Variants in LIPC observed in about 807,000 individuals in gnomAD.
The protein encoded by LIPC is hepatic triacylglycerol lipase.
Under a neutral mutation model 50.7 loss-of-function variants are expected in LIPC, and 44 were observed. That is an observed-to-expected ratio of 0.87 (90% CI 0.68 to 1.11). LIPC has a LOEUF of 1.11. Among genes scored for constraint, LIPC ranks in the 50% most tolerant of loss-of-function variants. LIPC has a pLI of 0.00. For synonymous variants in LIPC, 271 were observed against 256.4 expected, an observed-to-expected ratio of 1.06 and a Z score of -0.54; for missense variants, 697 against 648.2, an observed-to-expected ratio of 1.08 and a Z score of -0.82.
Position 58,500,660 on chromosome 15 carries a change from G to C in LIPC, c.89-37673G>C, listed in dbSNP as rs564112108. 1.1e-4 allele frequency among the ~76,000 whole-genome samples: 17 copies of C among 152,280 alleles called. No homozygotes were observed. The East Asian group carries it at 2.5e-3, about 22-fold the overall frequency. On this transcript the variant is annotated intron_variant, in intron 1 of 8. Transcript: ENST00000299022. ...AGCTACCACTCCCTGACCTTGAGCA[G>C]ATAGATTTGGGATCCACGTGTAGCC...
rs1300150083 is a variant in LIPC, at chr15:58,452,317, G to A, written c.88+20197G>A. On this transcript the variant is annotated intron_variant, in intron 1 of 8. Coordinates refer to ENST00000299022, the MANE Select transcript of LIPC (RefSeq NM_000236.3). ...GGGTGATTCTGAAACAGGCACCAAA[G>A]TTTGAGAACGTCTGCCTATAAATGT... Among the ~76,000 whole-genome samples, 6 of 152,214 alleles carry A rather than the reference G, an allele frequency of 3.9e-5. No individual in the cohort carries two copies. The East Asian group carries it at 1.2e-3, about 29-fold the overall frequency.
At chr15:58,553,972 A>G (rs1423402757) in intron 6 of LIPC, among the ~76,000 whole-genome samples, 1 of 151,778 alleles carries the variant, frequency 6.6e-6, no homozygotes, top group African/African-American at 2.4e-5. Flanking sequence ...TACCATCTCC[A>G]TGAGAGAAAT....
intron 1 of LIPC, among the ~76,000 whole-genome samples, chr15:58,537,191 T>G (rs537005930): frequency 2.3e-4 from 35 of 152,296 alleles, no homozygotes; most frequent in Admixed American, 1.1e-3. Context: ...TGCCACGCCA[T>G]GGAAACGCGC....
chr15:58,479,967 A>T (rs572639036), intron 1 of LIPC, among the ~76,000 whole-genome samples: 1 of 152,192 alleles, frequency 6.6e-6, no homozygotes, highest in South Asian at 2.1e-4. Flanking sequence ...CTCCAATCTA[A>T]GTTCCCCAGG....
chr15:58,545,497 G>T (rs1230038227), intron 4 of LIPC, among the ~76,000 whole-genome samples: 1 of 152,140 alleles, frequency 6.6e-6, no homozygotes, highest in Non-Finnish European at 1.5e-5. Context: ...TCTACCACTG[G>T]AGAGTTTCCG....
At chr15:58,553,762 T>C (rs12908645) in intron 6 of LIPC, among the ~76,000 whole-genome samples, 23,386 of 152,194 alleles carry the variant, frequency 0.15, 2,084 homozygotes, top group South Asian at 0.32. Flanking sequence ...CTTTTTCTTC[T>C]TCACTCGCGC....
At position 58,433,515 on chromosome 15, in the gene LIPC, CA is replaced by C. The variant is rs569934124; in HGVS notation, c.88+1396del. Among the ~76,000 whole-genome samples, 182 of 152,310 alleles carry C rather than the reference CA, an allele frequency of 1.2e-3. 1 individual carries two copies. Among genetic ancestry groups the C allele is most frequent in the African/African-American group, 4.2e-3 (176 of 41,564 alleles). ...CGACATTATGTTTGTGAAAGTCAAC[CA>C]TGCAGTTTCGTGGAGTTGAGGCTCA... On this transcript the variant is annotated intron_variant, in intron 1 of 8. Coordinates refer to ENST00000299022, the MANE Select transcript of LIPC (RefSeq NM_000236.3).
chr15:58,548,180 T>C, intron 5 of LIPC, 150 bp from the exon 6 acceptor site: 1 of 972,090 alleles, frequency 1.0e-6, no homozygotes, highest in East Asian at 2.4e-5. Context: ...CACATCCTGC[T>C]CTTGTCAAGG....
At chr15:58,468,666 C>T (rs1021899559) in intron 1 of LIPC, among the ~76,000 whole-genome samples, 1 of 152,128 alleles carries the variant, frequency 6.6e-6, no homozygotes, top group East Asian at 1.9e-4. Context: ...AGGTTCTTAC[C>T]CTTGGAAGCT....
At chr15:58,565,202 G>T in intron 8 of LIPC, 1 of 1,535,698 alleles carries the variant, frequency 6.5e-7, no homozygotes, top group South Asian at 1.2e-5. Context: ...ATCAATCTGG[G>T]AAGATTAAAC....
At chr15:58,493,156 T>C (rs1180124305) in intron 1 of LIPC, among the ~76,000 whole-genome samples, 1 of 152,056 alleles carries the variant, frequency 6.6e-6, no homozygotes, top group Non-Finnish European at 1.5e-5. Flanking sequence ...AAAGAACCCA[T>C]ACCCTCATCA....
chr15:58,432,211 G>A, intron 1 of LIPC, 91 bp downstream of exon 1: 1 of 984,746 alleles, frequency 1.0e-6, no homozygotes, highest in Admixed American at 1.7e-5. Context: ...GACTGTATGG[G>A]ACAGAGCTTG....
At chr15:58,500,612 T>A (rs1891950153) in intron 1 of LIPC, among the ~76,000 whole-genome samples, 2 of 152,188 alleles carry the variant, frequency 1.3e-5, no homozygotes, top group Admixed American at 6.5e-5. Context: ...AGTCCCTGAC[T>A]GTTTTCATAT....
intron 1 of LIPC, among the ~76,000 whole-genome samples, chr15:58,506,210 GGA>G (rs1226010385): frequency 6.6e-6 from 1 of 152,180 alleles, no homozygotes; most frequent in African/African-American, 2.4e-5. Context: ...GCCCAGGAGG[GGA>G]GAGGCTGTGC....
Position 58,545,858 on chromosome 15 carries a change from A to G in LIPC, c.691A>G (p.Ser231Gly), listed in dbSNP as rs1695191010. 6.2e-7 allele frequency: 1 copy of G among 1,614,014 alleles called. No homozygotes were observed. The highest frequency in any genetic ancestry group is 1.3e-5 in the African/African-American group (1 of 74,892). Reference sequence around the variant, plus strand: ...CTTTACCCGGGAGCACATGGGCCTGAGCGTGGGCATCAAACAGCCCATAGG... The same window carrying G: ...CTTTACCCGGGAGCACATGGGCCTGGGCGTGGGCATCAAACAGCCCATAGG... ...HTFTREHMGL[S>G]VGIKQPIGHY... The change falls in exon 5 of 9, where the codon AGC becomes GGC. Residue 231 changes from serine (S) to glycine (G), a missense_variant. By Grantham distance (56) the Ser-to-Gly change is moderately conservative (BLOSUM62 0). Transcript: ENST00000299022.
chr15:58,459,028 C>CTA (rs1467363283), intron 1 of LIPC, among the ~76,000 whole-genome samples: 1 of 152,170 alleles, frequency 6.6e-6, no homozygotes, highest in Admixed American at 6.5e-5. Flanking sequence ...ATTGAGAAGG[C>CTA]TATACATCTC....
In LIPC at chr15:58,505,327, G is replaced by A. The variant is rs149590502; in HGVS notation, c.89-33006G>A. Reference sequence around the variant, plus strand: ...GCCTCAGGCAAGTGGGATAATCCCCGTGTCTCAGTTTCCTCATCTTTAAAA... The same window carrying A: ...GCCTCAGGCAAGTGGGATAATCCCCATGTCTCAGTTTCCTCATCTTTAAAA... On this transcript the variant is annotated intron_variant, in intron 1 of 8. Transcript: ENST00000299022. 4.2e-3 allele frequency among the ~76,000 whole-genome samples: 644 copies of A among 152,312 alleles called. 7 individuals carry two copies. The highest frequency in any genetic ancestry group is 0.015 in the African/African-American group (615 of 41,556).
At chr15:58,480,670 G>A (rs1415665657) in intron 1 of LIPC, among the ~76,000 whole-genome samples, 1 of 152,186 alleles carries the variant, frequency 6.6e-6, no homozygotes, top group Non-Finnish European at 1.5e-5. Flanking sequence ...TTTGAATGCA[G>A]CCCAACACAA....
chr15:58,452,132 G>A (rs149273879), intron 1 of LIPC, among the ~76,000 whole-genome samples: 43 of 152,272 alleles, frequency 2.8e-4, no homozygotes, highest in Non-Finnish European at 5.0e-4. Context: ...TGATGCTTTA[G>A]TCTATTCCAC....
Sources: gnomAD v4.1 joint callset for allele counts (sites outside exome capture counted in the v4.1 genomes callset) on GRCh38, gnomAD v4.1.1 for gene constraint, MANE v1.5 for transcripts, NCBI Gene and HGNC (gene_info 2026-07-23, HGNC 2026-07-21) for gene names.